CLEC16A: variants seen among roughly 807,000 people sequenced by gnomAD.
CLEC16A encodes C-type lectin domain containing 16A.
A neutral mutation model predicts 109.5 loss-of-function variants in CLEC16A; 51 were observed. The observed-to-expected ratio is 0.47, with a 90% confidence interval of 0.37 to 0.59. The LOEUF is 0.59. CLEC16A is among the 20% of genes least tolerant of loss of function. The pLI is 0.00. For synonymous variants in CLEC16A, 673 were observed against 564.2 expected (o/e 1.19, Z -2.73); for missense variants, 1,339 against 1,394.0 (o/e 0.96, Z 0.63).
At chr16:11,132,328 C>CAT (rs1296163850) in intron 22 of CLEC16A, among the ~76,000 whole-genome samples, 1 of 149,828 alleles carries the variant, frequency 6.7e-6, no homozygotes, top group African/African-American at 2.5e-5. Flanking sequence ...TCATATCAAT[C>CAT]ATACAATCCA....
chr16:11,055,017 A>G (rs2048138066), intron 18 of CLEC16A, among the ~76,000 whole-genome samples: 2 of 149,248 alleles, frequency 1.3e-5, no homozygotes, highest in Non-Finnish European at 3.0e-5. Context: ...TTCCTTAAGG[A>G]CTTGTCAAAG....
rs77943523 is a variant in CLEC16A at position 11,090,157 on chromosome 16, C to T, written c.2116+29135C>T. On this transcript the variant is annotated intron_variant, in intron 19 of 23. Transcript: ENST00000409790. ...CTGCATTCTGGTTCCCTGGAAGAAC[C>T]GCAGAAGGGGGACCTGCCTCATACG... Among the ~76,000 whole-genome samples, 880 of 152,226 alleles carry T rather than the reference C, an allele frequency of 5.8e-3. 9 individuals carry two copies. Among genetic ancestry groups the T allele is most frequent in the Middle Eastern group, 0.031 (9 of 294 alleles).
intron 22 of CLEC16A, among the ~76,000 whole-genome samples, chr16:11,137,804 C>G (rs1297297544): frequency 6.6e-6 from 1 of 151,680 alleles, no homozygotes; most frequent in African/African-American, 2.4e-5. Flanking sequence ...GCGAGACTCC[C>G]TCTCAAAAAA....
chr16:11,087,474 C>T (rs568993407), intron 19 of CLEC16A, among the ~76,000 whole-genome samples: 73 of 152,342 alleles, frequency 4.8e-4, no homozygotes, highest in Non-Finnish European at 9.4e-4. Flanking sequence ...ACCTAAACTA[C>T]TACTTGTTTT....
chr16:10,999,335 C>T (rs1364103261), intron 10 of CLEC16A, among the ~76,000 whole-genome samples: 2 of 152,106 alleles, frequency 1.3e-5, no homozygotes, highest in African/African-American at 2.4e-5. Context: ...GTACACAGTG[C>T]CACTGCTTTT....
At chr16:11,159,257 A>G (rs1246368689) in intron 22 of CLEC16A, among the ~76,000 whole-genome samples, 1 of 152,208 alleles carries the variant, frequency 6.6e-6, no homozygotes, top group Non-Finnish European at 1.5e-5. Context: ...CATGGACTGC[A>G]TGTATTAGCA....
At chr16:11,126,635 T>TA (rs911938492) in intron 22 of CLEC16A, 5 of 256,842 alleles carry the variant, frequency 1.9e-5, no homozygotes, top group Non-Finnish European at 3.0e-5. Context: ...AGCTCATCTC[T>TA]AACCCTGCTC....
chr16:11,110,575 A>G (rs2051518177), intron 19 of CLEC16A, among the ~76,000 whole-genome samples: 1 of 152,214 alleles, frequency 6.6e-6, no homozygotes, highest in South Asian at 2.1e-4. Context: ...CCTTAGGCAG[A>G]AGGGTTCCAA....
chr16:10,945,118 G>A (rs868516931), intron 1 of CLEC16A, among the ~76,000 whole-genome samples: 6 of 152,204 alleles, frequency 3.9e-5, no homozygotes, highest in Non-Finnish European at 7.3e-5. Flanking sequence ...TCCTGGCGGG[G>A]TACTTCTTAA....
chr16:10,962,669 G>T, intron 3 of CLEC16A, 81 bp downstream of exon 3: 2 of 1,479,516 alleles, frequency 1.4e-6, no homozygotes, highest in Non-Finnish European at 1.9e-6. Flanking sequence ...CTGTGTCTGC[G>T]CTTACTATTC....
chr16:11,159,347 G>A (rs1023054364), intron 22 of CLEC16A, among the ~76,000 whole-genome samples: 1 of 152,192 alleles, frequency 6.6e-6, no homozygotes, highest in African/African-American at 2.4e-5. Context: ...ACAGATGACA[G>A]ATAGAGAGGA....
intron 22 of CLEC16A, among the ~76,000 whole-genome samples, chr16:11,128,747 C>T (rs2052998917): frequency 6.6e-6 from 1 of 152,152 alleles, no homozygotes; most frequent in Non-Finnish European, 1.5e-5. Flanking sequence ...GCAGCAGCCA[C>T]TCAGCACTTT....
chr16:11,170,376 C>T (rs2068456867), intron 23 of CLEC16A, among the ~76,000 whole-genome samples: 1 of 152,218 alleles, frequency 6.6e-6, no homozygotes, highest in African/African-American at 2.4e-5. Context: ...GGGTTCATCC[C>T]ACATGAGGCA....
intron 22 of CLEC16A, chr16:11,157,214 T>C (rs979582245): frequency 8.1e-7 from 1 of 1,233,718 alleles, no homozygotes; most frequent in Non-Finnish European, 1.0e-6. Flanking sequence ...AAATAAAAAG[T>C]ATTTAAGCGT....
intron 3 of CLEC16A, among the ~76,000 whole-genome samples, chr16:10,965,977 C>G (rs2042482315): frequency 6.6e-6 from 1 of 152,166 alleles, no homozygotes; most frequent in Admixed American, 6.5e-5. Flanking sequence ...CTGGAAGCCA[C>G]TAGCCAGTCA....
At chr16:10,951,623 G>A (rs1374418591) in intron 1 of CLEC16A, among the ~76,000 whole-genome samples, 4 of 152,220 alleles carry the variant, frequency 2.6e-5, no homozygotes, top group Non-Finnish European at 5.9e-5. Context: ...TTGTTTCTGG[G>A]ATTAAACGAA....
intron 19 of CLEC16A, among the ~76,000 whole-genome samples, chr16:11,077,825 T>C (rs1567286279): frequency 1.3e-5 from 2 of 151,818 alleles, no homozygotes; most frequent in Admixed American, 6.6e-5. Context: ...TTTTAAGAAA[T>C]GTACAGAATA....
intron 13 of CLEC16A, among the ~76,000 whole-genome samples, chr16:11,037,486 C>G (rs555881441): frequency 2.0e-5 from 3 of 152,200 alleles, no homozygotes; most frequent in Non-Finnish European, 2.9e-5. Flanking sequence ...TCGAGATCAT[C>G]TTGGGACGCT....
At chr16:11,073,797 A>G (rs1420880905) in intron 19 of CLEC16A, among the ~76,000 whole-genome samples, 1 of 152,262 alleles carries the variant, frequency 6.6e-6, no homozygotes, top group African/African-American at 2.4e-5. Context: ...GGCCTGGCAC[A>G]TAGTAGACAC....
Sources: allele counts gnomAD v4.1 joint callset (sites outside exome capture counted in the v4.1 genomes callset), GRCh38; gene constraint gnomAD v4.1.1; transcripts MANE v1.5; gene names NCBI Gene and HGNC (gene_info 2026-07-23, HGNC 2026-07-21).